The following WDHD1 variants were observed in gnomAD, a reference collection of about 807,000 sequenced individuals.
The protein encoded by WDHD1 is WD repeat and HMG-box DNA-binding protein 1.
In WDHD1, 111 loss-of-function variants were observed where a neutral mutation model predicts 135.4. The observed-to-expected ratio is 0.82, with a 90% confidence interval of 0.70 to 0.96. The LOEUF is 0.96. Ranked by LOEUF, WDHD1 falls within the 40% of genes least tolerant of loss-of-function variation. The pLI, the probability that WDHD1 is intolerant of heterozygous loss-of-function variation, is 0.00. For synonymous variants in WDHD1, 434 were observed against 439.0 expected (o/e 0.99, Z 0.14); for missense variants, 1,351 against 1,336.3 (o/e 1.01, Z -0.17).
At chr14:54,998,360 C>G (rs1295407667) in intron 10 of WDHD1, among the ~76,000 whole-genome samples, 2 of 152,062 alleles carry the variant, frequency 1.3e-5, no homozygotes, top group African/African-American at 4.8e-5. Flanking sequence ...GAACTCCTGA[C>G]CTCAGGTGAT....
At chr14:54,949,944 G>A (rs1431360157) in intron 24 of WDHD1, among the ~76,000 whole-genome samples, 3 of 152,030 alleles carry the variant, frequency 2.0e-5, no homozygotes, top group African/African-American at 2.4e-5. Flanking sequence ...AGCAAATGCT[G>A]AGAGATTTTG....
chr14:54,978,245 T>C (rs1476873162), intron 16 of WDHD1, among the ~76,000 whole-genome samples: 2 of 152,122 alleles, frequency 1.3e-5, no homozygotes, highest in East Asian at 1.9e-4. Flanking sequence ...AAAATGGACA[T>C]GCAAGAAATC....
chr14:54,964,910 G>A (rs555170296), intron 18 of WDHD1, among the ~76,000 whole-genome samples: 5 of 152,160 alleles, frequency 3.3e-5, no homozygotes, highest in African/African-American at 1.2e-4. Context: ...AAATAAAAAG[G>A]CTACTAGTTC....
chr14:55,017,531 T>TG (rs1215146193), intron 2 of WDHD1, among the ~76,000 whole-genome samples: 1 of 152,166 alleles, frequency 6.6e-6, no homozygotes, highest in African/African-American at 2.4e-5. Flanking sequence ...TTCATAGAGA[T>TG]GGGGTTTCAC....
chr14:54,961,376 A>C (rs1312954859), intron 21 of WDHD1, among the ~76,000 whole-genome samples: 1 of 152,174 alleles, frequency 6.6e-6, no homozygotes, highest in Admixed American at 6.6e-5. Context: ...TGGCCTACAC[A>C]GATCTGCATG....
At chr14:55,019,029 A>G (rs956104841) in intron 2 of WDHD1, among the ~76,000 whole-genome samples, 2 of 152,234 alleles carry the variant, frequency 1.3e-5, no homozygotes, top group Admixed American at 1.3e-4. Flanking sequence ...GACTCAAACA[A>G]ATAAAAAAAA....
intron 24 of WDHD1, among the ~76,000 whole-genome samples, chr14:54,955,353 A>G (rs563635334): frequency 2.6e-5 from 4 of 152,326 alleles, no homozygotes; most frequent in Admixed American, 2.6e-4. Flanking sequence ...ATTTAAAAAT[A>G]TACAATTTAT....
chr14:54,984,297 C>A (rs2041663720), intron 15 of WDHD1, among the ~76,000 whole-genome samples: 1 of 152,126 alleles, frequency 6.6e-6, no homozygotes, highest in Admixed American at 6.5e-5. Context: ...GAGTTTGAGA[C>A]CAGCCTGGGC....
At chr14:54,974,923 C>T (rs7159933) in intron 16 of WDHD1, among the ~76,000 whole-genome samples, 1 of 151,990 alleles carries the variant, frequency 6.6e-6, no homozygotes. Flanking sequence ...TGTGTTGGAC[C>T]GGACTGTCTT....
At chr14:54,961,840 C>CTT (rs548999730) in intron 21 of WDHD1, among the ~76,000 whole-genome samples, 28 of 143,188 alleles carry the variant, frequency 2.0e-4, no homozygotes, top group Middle Eastern at 3.6e-3. Flanking sequence ...TTTTCAACTC[C>CTT]TTTTTTTTTT....
chr14:54,961,953 C>T (rs896090626), intron 21 of WDHD1, among the ~76,000 whole-genome samples: 1 of 151,952 alleles, frequency 6.6e-6, no homozygotes, highest in Non-Finnish European at 1.5e-5. Flanking sequence ...TCTCCTGCTT[C>T]AGCCTCCCGA....
chr14:54,991,432 C>T, intron 11 of WDHD1, 32 bp from the exon 12 acceptor site: 1 of 1,582,978 alleles, frequency 6.3e-7, no homozygotes, highest in Admixed American at 1.7e-5. Flanking sequence ...TTAAGGGAAT[C>T]ACGAATACCA....
chr14:54,955,237 T>C (rs1257475733), intron 24 of WDHD1, among the ~76,000 whole-genome samples: 3 of 152,178 alleles, frequency 2.0e-5, no homozygotes, highest in Non-Finnish European at 2.9e-5. Context: ...AACTACTTAT[T>C]ATCACTCTTC....
chr14:55,011,022 G>A (rs1431732479), intron 3 of WDHD1, among the ~76,000 whole-genome samples: 1 of 152,228 alleles, frequency 6.6e-6, no homozygotes, highest in Non-Finnish European at 1.5e-5. Context: ...TCAGAGCCTT[G>A]GGAAGAGCCA....
chr14:54,981,275 G>A (rs1055470456), intron 16 of WDHD1, among the ~76,000 whole-genome samples: 2 of 152,066 alleles, frequency 1.3e-5, no homozygotes, highest in Non-Finnish European at 2.9e-5. Flanking sequence ...AAGGTGAAAT[G>A]CCATGTTTAA....
chr14:55,003,903 C>A (rs2042020526), intron 7 of WDHD1, among the ~76,000 whole-genome samples: 1 of 152,132 alleles, frequency 6.6e-6, no homozygotes, highest in African/African-American at 2.4e-5. Flanking sequence ...CTGCTCATGT[C>A]TTTGCTCATC....
At chr14:54,968,386 C>T (rs2140174571) in intron 16 of WDHD1, among the ~76,000 whole-genome samples, 1 of 151,960 alleles carries the variant, frequency 6.6e-6, no homozygotes, top group East Asian at 1.9e-4. Context: ...ACGTTTATAG[C>T]ACTAAACACC....
At chr14:55,015,405 A>AAT (rs1555372657) in intron 2 of WDHD1, among the ~76,000 whole-genome samples, 1 of 139,562 alleles carries the variant, frequency 7.2e-6, no homozygotes, top group Admixed American at 7.0e-5. Context: ...AAAAAAAAAA[A>AAT]GGCTAGGGTG....
At chr14:54,962,681 G>A in intron 20 of WDHD1, 57 bp downstream of exon 20, 3 of 1,591,408 alleles carry the variant, frequency 1.9e-6, no homozygotes, top group Non-Finnish European at 2.6e-6. Context: ...AAGCAAAATG[G>A]GAAAAGCCAC....
Sources: gnomAD v4.1 joint callset for allele counts (sites outside exome capture counted in the v4.1 genomes callset) on GRCh38, gnomAD v4.1.1 for gene constraint, MANE v1.5 for transcripts, NCBI Gene and HGNC (gene_info 2026-07-23, HGNC 2026-07-21) for gene names.